ANKRD11: variants seen among roughly 807,000 people sequenced by gnomAD.
ANKRD11 encodes the protein ankyrin repeat domain-containing protein 11.
In ANKRD11, 17 loss-of-function variants were observed where a neutral mutation model predicts 195.7. That is an observed-to-expected ratio of 0.09 (90% confidence interval 0.06 to 0.13). The LOEUF is 0.13. Ranked by LOEUF, ANKRD11 falls within the 10% of genes least tolerant of loss-of-function variation. The pLI is 1.00. For synonymous variants in ANKRD11, 1,953 were observed against 1,528.1 expected, an observed-to-expected ratio of 1.28 and a Z score of -6.49; for missense variants, 3,735 against 3,566.1, an observed-to-expected ratio of 1.05 and a Z score of -1.21.
intron 2 of ANKRD11, among the ~76,000 whole-genome samples, chr16:89,382,864 G>C (rs1169363904): frequency 6.6e-6 from 1 of 151,892 alleles, no homozygotes; most frequent in African/African-American, 2.4e-5. Flanking sequence ...TTTTGAGACA[G>C]AGTTTCACTC....
At chr16:89,421,046 G>A (rs2042489070) in intron 1 of ANKRD11, among the ~76,000 whole-genome samples, 1 of 152,192 alleles carries the variant, frequency 6.6e-6, no homozygotes, top group African/African-American at 2.4e-5. Context: ...ATGGAGACAT[G>A]AAGGGTCAGT....
At chr16:89,368,618 A>G (rs1279911993) in intron 2 of ANKRD11, among the ~76,000 whole-genome samples, 1 of 151,854 alleles carries the variant, frequency 6.6e-6, no homozygotes, top group African/African-American at 2.4e-5. Flanking sequence ...TAAAAAAAAA[A>G]AAAAAAGGGC....
At chr16:89,321,674 A>C (rs2037336194) in intron 2 of ANKRD11, among the ~76,000 whole-genome samples, 1 of 152,068 alleles carries the variant, frequency 6.6e-6, no homozygotes, top group Non-Finnish European at 1.5e-5. Flanking sequence ...AAAAACTTGT[A>C]ATGACACAAC....
intron 2 of ANKRD11, among the ~76,000 whole-genome samples, chr16:89,319,070 T>A (rs147062576): frequency 4.0e-4 from 61 of 152,338 alleles, no homozygotes; most frequent in Admixed American, 1.0e-3. Flanking sequence ...TTAAGGATTA[T>A]CTGGAATTAA....
At chr16:89,354,235 C>A in intron 2 of ANKRD11, among the ~76,000 whole-genome samples, 2 of 127,782 alleles carry the variant, frequency 1.6e-5, no homozygotes, top group South Asian at 2.4e-4. Flanking sequence ...CTAAATTTTG[C>A]ATTCAGCCAA....
intron 1 of ANKRD11, among the ~76,000 whole-genome samples, chr16:89,475,688 T>C (rs1367354728): frequency 2.0e-5 from 3 of 152,192 alleles, no homozygotes; most frequent in Non-Finnish European, 4.4e-5. Context: ...AATTCTGTTC[T>C]ATGCTGTGAT....
chr16:89,295,801 G>A (rs1262188810), intron 4 of ANKRD11, among the ~76,000 whole-genome samples: 1 of 142,038 alleles, frequency 7.0e-6, no homozygotes, highest in Admixed American at 7.1e-5. Context: ...TGACCTTCCC[G>A]AGGGGTGCTC....
chr16:89,331,114 C>T (rs1233046402), intron 2 of ANKRD11, among the ~76,000 whole-genome samples: 2 of 151,978 alleles, frequency 1.3e-5, no homozygotes, highest in East Asian at 1.9e-4. Context: ...CCACCATGCC[C>T]GGCTAATTTT....
intron 2 of ANKRD11, among the ~76,000 whole-genome samples, chr16:89,368,881 G>A (rs1023609309): frequency 1.3e-5 from 2 of 152,136 alleles, no homozygotes. Context: ...ATCTAGGGGA[G>A]GAGAAAGACT....
At chr16:89,466,032 CAGGG>C (rs1327725292) in intron 1 of ANKRD11, among the ~76,000 whole-genome samples, 1 of 152,062 alleles carries the variant, frequency 6.6e-6, no homozygotes, top group Non-Finnish European at 1.5e-5. Flanking sequence ...TCTAAAAGGT[CAGGG>C]TGCCAATCAC....
chr16:89,328,590 C>T (rs138738139), intron 2 of ANKRD11, among the ~76,000 whole-genome samples: 1,523 of 148,676 alleles, frequency 0.01, 23 homozygotes, highest in African/African-American at 0.036. Flanking sequence ...CCCAGGCGTA[C>T]GGGTGAATCT....
At chr16:89,455,693 G>C (rs1325642627) in intron 1 of ANKRD11, among the ~76,000 whole-genome samples, 1 of 152,144 alleles carries the variant, frequency 6.6e-6, no homozygotes, top group East Asian at 1.9e-4. Flanking sequence ...CTCATCCTTG[G>C]AGACAGCAGC....
At chr16:89,301,543 T>C (rs1489025224) in intron 4 of ANKRD11, 1 of 398,886 alleles carries the variant, frequency 2.5e-6, no homozygotes, top group Non-Finnish European at 4.4e-6. Flanking sequence ...CAGAGCTGTC[T>C]TGGGGCCGGG....
chr16:89,300,966 G>GCTTCTCCCT, intron 4 of ANKRD11: 1 of 672,964 alleles, frequency 1.5e-6, no homozygotes, highest in Non-Finnish European at 2.7e-6. Context: ...GGCGGTCCTA[G>GCTTCTCCCT]GCAGGGAGAA....
intron 2 of ANKRD11, among the ~76,000 whole-genome samples, chr16:89,346,080 A>G (rs2038923458): frequency 6.6e-6 from 1 of 151,634 alleles, no homozygotes; most frequent in Non-Finnish European, 1.5e-5. Context: ...TGTCTCCACT[A>G]ACAACACAAA....
At chr16:89,350,621 C>A (rs193144195) in intron 2 of ANKRD11, among the ~76,000 whole-genome samples, 1 of 152,294 alleles carries the variant, frequency 6.6e-6, no homozygotes, top group East Asian at 1.9e-4. Context: ...AGCACATCAG[C>A]ATCCTGGGTC....
rs746928698 is a variant in ANKRD11, at chr16:89,280,554, G to A, written c.5988C>T (p.Pro1996=). ...GGGCGGCAGAGTGGAGGGGGTCCGC[G>A]GGGCAGAAACGCTTTGGGGACTCGG... ...RFPESPKRFC[P]ADPLHSAAPG... The change falls in exon 9 of 13, where the codon CCC becomes CCT. Residue 1996 remains proline (P), a synonymous_variant. Transcript: ENST00000301030. 41 of 1,612,946 alleles carry A rather than the reference G, an allele frequency of 2.5e-5. No individual in the cohort carries two copies. The highest frequency in any genetic ancestry group is 1.7e-4 in the Middle Eastern group (1 of 6,054).
chr16:89,293,342 G>A (rs891418708), intron 4 of ANKRD11, among the ~76,000 whole-genome samples: 1 of 152,142 alleles, frequency 6.6e-6, no homozygotes, highest in Non-Finnish European at 1.5e-5. Flanking sequence ...AAAGCGAGTG[G>A]GCCCCACTTC....
chr16:89,313,293 A>G (rs1238900205), intron 3 of ANKRD11: 1 of 1,284,616 alleles, frequency 7.8e-7, no homozygotes, highest in Non-Finnish European at 1.0e-6. Context: ...TGGGGACGAC[A>G]CTGTTCTCTG....
Sources: gnomAD v4.1 joint callset for allele counts (sites outside exome capture counted in the v4.1 genomes callset) on GRCh38, gnomAD v4.1.1 for gene constraint, MANE v1.5 for transcripts, NCBI Gene and HGNC (gene_info 2026-07-23, HGNC 2026-07-21) for gene names.